SORCS3: variants seen among roughly 807,000 people sequenced by gnomAD.
SORCS3 encodes VPS10 domain-containing receptor SorCS3.
SORCS3 carries 57 observed loss-of-function variants against 146.3 expected under a neutral mutation model. The observed-to-expected ratio is 0.39, with a 90% CI of 0.31 to 0.49. The LOEUF (loss-of-function observed/expected upper bound fraction) is 0.49, where lower values mean the gene tolerates loss of function less well. Ranked by LOEUF, SORCS3 falls within the 20% of genes least tolerant of loss-of-function variation. SORCS3 has a pLI of 0.92. For missense variants in SORCS3, 1,341 were observed against 1,575.5 expected (o/e 0.85, Z 2.52); for synonymous variants, 653 against 618.5 (o/e 1.06, Z -0.83).
At chr10:105,213,188 A>C (rs776335699) in intron 17 of SORCS3, among the ~76,000 whole-genome samples, 20 of 152,196 alleles carry the variant, frequency 1.3e-4, no homozygotes, top group Non-Finnish European at 2.8e-4. Flanking sequence ...TATGCAAGAA[A>C]ATATATCATA....
chr10:104,657,752 A>G (rs972034497), intron 1 of SORCS3, among the ~76,000 whole-genome samples: 1 of 152,214 alleles, frequency 6.6e-6, no homozygotes, highest in African/African-American at 2.4e-5. Flanking sequence ...TGGAGTTGAA[A>G]TCAATTTTAG....
chr10:104,820,434 A>G (rs1447968447), intron 1 of SORCS3, among the ~76,000 whole-genome samples: 4 of 152,226 alleles, frequency 2.6e-5, no homozygotes, highest in African/African-American at 2.4e-5. Context: ...AACATCTACT[A>G]TGTATCAAGT....
At chr10:104,907,624 C>T (rs6584633) in intron 2 of SORCS3, among the ~76,000 whole-genome samples, 55,881 of 152,010 alleles carry the variant, frequency 0.37, 13,389 homozygotes, top group African/African-American at 0.69. Context: ...CATTTAGAAC[C>T]GGTGATGGCT....
intron 1 of SORCS3, among the ~76,000 whole-genome samples, chr10:104,773,468 C>G (rs996907805): frequency 2.6e-5 from 4 of 152,186 alleles, no homozygotes; most frequent in Admixed American, 1.3e-4. Flanking sequence ...AATATTTACA[C>G]TATGGAAATT....
chr10:105,233,380 G>C (rs2056775640), intron 20 of SORCS3, among the ~76,000 whole-genome samples: 1 of 151,810 alleles, frequency 6.6e-6, no homozygotes, highest in Admixed American at 6.6e-5. Context: ...TTTTTTTTCT[G>C]TTAAGTCAAT....
chr10:104,708,990 C>T (rs75762136), intron 1 of SORCS3, among the ~76,000 whole-genome samples: 1,893 of 152,318 alleles, frequency 0.012, 32 homozygotes, highest in African/African-American at 0.038. Context: ...TGCAGTGGAG[C>T]CACTTCTTTT....
At chr10:104,963,115 T>C (rs933735035) in intron 3 of SORCS3, among the ~76,000 whole-genome samples, 5 of 152,224 alleles carry the variant, frequency 3.3e-5, no homozygotes, top group Non-Finnish European at 7.3e-5. Flanking sequence ...TATAAAAACA[T>C]TGCATTGAAC....
At chr10:105,221,759 T>C (rs1209965809) in intron 19 of SORCS3, among the ~76,000 whole-genome samples, 1 of 152,210 alleles carries the variant, frequency 6.6e-6, no homozygotes, top group Non-Finnish European at 1.5e-5. Context: ...GCTACAGTTG[T>C]GGCTTAAGAA....
At chr10:105,245,803 A>C in intron 21 of SORCS3, 138 bp downstream of exon 21, 1 of 1,022,112 alleles carries the variant, frequency 9.8e-7, no homozygotes, top group Non-Finnish European at 1.4e-6. Flanking sequence ...AAGCTTCCAA[A>C]CCTACCTCCG....
rs555985434 is a variant in SORCS3, at chr10:105,160,709, T to C, written c.1732+1715T>C. On this transcript the variant is annotated intron_variant, in intron 11 of 26. Coordinates refer to ENST00000369701, the MANE Select transcript of SORCS3 (RefSeq NM_014978.3). ...ACTCACTATGTGTTACTTATCATCA[T>C]TAATGTTATAGAAGTTAAAACTCTT... Among the ~76,000 whole-genome samples, 3 of 152,310 alleles carry C rather than the reference T, an allele frequency of 2.0e-5. No homozygotes were observed. The South Asian group carries it at 6.2e-4, about 32-fold the overall frequency.
chr10:104,901,945 C>G (rs2133590687), intron 2 of SORCS3, among the ~76,000 whole-genome samples: 1 of 152,306 alleles, frequency 6.6e-6, no homozygotes, highest in East Asian at 1.9e-4. Context: ...AGATCTGCAT[C>G]TTTGGAGCAT....
At chr10:105,134,890 G>A (rs961770373) in intron 7 of SORCS3, among the ~76,000 whole-genome samples, 4 of 152,100 alleles carry the variant, frequency 2.6e-5, no homozygotes, top group Non-Finnish European at 5.9e-5. Flanking sequence ...TTAATAAGAT[G>A]CGGGTGAGAC....
intron 2 of SORCS3, among the ~76,000 whole-genome samples, chr10:104,850,549 A>G (rs1363643000): frequency 1.3e-5 from 2 of 152,170 alleles, no homozygotes; most frequent in Non-Finnish European, 2.9e-5. Context: ...CAGCTACTGC[A>G]CTCCAACCTG....
intron 1 of SORCS3, among the ~76,000 whole-genome samples, chr10:104,762,060 C>G (rs778741959): frequency 6.6e-6 from 1 of 152,208 alleles, no homozygotes; most frequent in Non-Finnish European, 1.5e-5. Context: ...CGTGCAGTCC[C>G]CTCACTGTTC....
intron 4 of SORCS3, among the ~76,000 whole-genome samples, chr10:105,014,066 TACATATATATATATATACAC>T (rs1200801355): frequency 7.8e-6 from 1 of 127,622 alleles, no homozygotes; most frequent in African/African-American, 3.2e-5. Context: ...GATCTAAATA[TACATATATATATATATACAC>T]ACATATATAT....
intron 1 of SORCS3, among the ~76,000 whole-genome samples, chr10:104,811,880 A>G (rs533030666): frequency 1.3e-5 from 2 of 152,340 alleles, no homozygotes; most frequent in African/African-American, 4.8e-5. Context: ...GAAAACATCA[A>G]TCTGGTCTCA....
intron 1 of SORCS3, among the ~76,000 whole-genome samples, chr10:104,737,583 A>T (rs961079781): frequency 2.6e-5 from 4 of 152,124 alleles, no homozygotes; most frequent in Admixed American, 2.6e-4. Context: ...TCTTCTTTTG[A>T]GAAGTGTCTG....
intron 11 of SORCS3, 106 bp downstream of exon 11, chr10:105,159,100 G>T (rs2056239221): frequency 2.7e-6 from 2 of 742,900 alleles, no homozygotes; most frequent in Non-Finnish European, 4.4e-6. Context: ...TGAAAGCTGT[G>T]AGCACTCGCC....
rs79149356 is a variant in SORCS3, at chr10:104,829,018, C to A, written c.628-13774C>A. 9.0e-3 allele frequency among the ~76,000 whole-genome samples: 1,372 copies of A among 152,266 alleles called. 15 individuals are homozygous for A. The highest frequency in any genetic ancestry group is 0.031 in the African/African-American group (1,302 of 41,540). ...TCCATCTCTTATGATCTCATCAAAG[C>A]CTCTCATCCACTGTGAGGATGTCCT... On this transcript the variant is annotated intron_variant, in intron 1 of 26. Coordinates refer to ENST00000369701, the MANE Select transcript of SORCS3 (RefSeq NM_014978.3).
Sources: gnomAD v4.1 joint callset for allele counts (sites outside exome capture counted in the v4.1 genomes callset) on GRCh38, gnomAD v4.1.1 for gene constraint, MANE v1.5 for transcripts, NCBI Gene and HGNC (gene_info 2026-07-23, HGNC 2026-07-21) for gene names.